The following STK33 variants were observed in gnomAD, a reference collection of about 807,000 sequenced individuals.
STK33 encodes the protein serine/threonine-protein kinase 33.
STK33 carries 52 observed loss-of-function variants against 58.0 expected under a neutral mutation model. The ratio of observed to expected loss-of-function variants is 0.90; its 90% CI spans 0.72 to 1.13. The LOEUF is 1.13. Ranked by LOEUF, STK33 falls within the 50% of genes most tolerant of loss-of-function variation. The pLI, the probability that STK33 is intolerant of heterozygous loss-of-function variation, is 0.00. For synonymous variants in STK33, 215 were observed against 200.1 expected (o/e 1.07, Z -0.63); for missense variants, 630 against 604.2 (o/e 1.04, Z -0.45).
intron 11 of STK33, 116 bp from the exon 12 acceptor site, chr11:8,440,869 AAG>A: frequency 9.9e-7 from 1 of 1,007,228 alleles, no homozygotes; most frequent in African/African-American, 1.6e-5. Context: ...CCATAGGGAA[AAG>A]AGAACCAACA....
downstream of STK33, among the ~76,000 whole-genome samples, chr11:8,389,081 A>C (rs548444360): frequency 5.4e-5 from 8 of 148,508 alleles, no homozygotes; most frequent in African/African-American, 1.9e-4. Flanking sequence ...CAGGTGGTAA[A>C]CTTAAATGCG....
the STK33 span, among the ~76,000 whole-genome samples, chr11:8,357,008 G>A: frequency 1.3e-5 from 2 of 152,176 alleles, no homozygotes; most frequent in Admixed American, 6.5e-5. Flanking sequence ...AGGTGGAGGC[G>A]CTGCCCCGCA....
intron 11 of STK33, among the ~76,000 whole-genome samples, chr11:8,441,762 A>G (rs1333502511): frequency 6.6e-6 from 1 of 152,200 alleles, no homozygotes; most frequent in Non-Finnish European, 1.5e-5. Flanking sequence ...GAAAATAGTT[A>G]TAAGCAGAAA....
At chr11:8,378,652 G>A in the STK33 span, among the ~76,000 whole-genome samples, 1 of 152,154 alleles carries the variant, frequency 6.6e-6, no homozygotes, top group African/African-American at 2.4e-5. Flanking sequence ...CACAACATGT[G>A]GGGATTATGG....
chr11:8,549,214 T>C (rs1956144119), intron 1 of STK33, among the ~76,000 whole-genome samples: 1 of 152,204 alleles, frequency 6.6e-6, no homozygotes, highest in Non-Finnish European at 1.5e-5. Flanking sequence ...ACTTTTTCAG[T>C]ATCTATTGAA....
intron 6 of STK33, among the ~76,000 whole-genome samples, chr11:8,468,292 C>T (rs1342208233): frequency 6.6e-6 from 1 of 152,204 alleles, no homozygotes; most frequent in Non-Finnish European, 1.5e-5. Flanking sequence ...ATTCAATCAT[C>T]TCCCATAGGG....
intron 1 of STK33, among the ~76,000 whole-genome samples, chr11:8,526,132 C>G (rs1023883393): frequency 2.6e-5 from 4 of 152,144 alleles, no homozygotes; most frequent in African/African-American, 9.7e-5. Context: ...GGCATGGTGG[C>G]TCACGCCTGT....
the STK33 span, among the ~76,000 whole-genome samples, chr11:8,357,602 G>A: frequency 6.6e-6 from 1 of 152,180 alleles, no homozygotes; most frequent in Non-Finnish European, 1.5e-5. Flanking sequence ...ACCTGGGCTC[G>A]GAACCGCGGG....
intron 1 of STK33, among the ~76,000 whole-genome samples, chr11:8,541,526 G>C (rs1200207598): frequency 1.3e-5 from 2 of 152,098 alleles, no homozygotes; most frequent in Non-Finnish European, 2.9e-5. Context: ...AAGAAATTCT[G>C]TTTAAGTACA....
chr11:8,378,894 T>C, the STK33 span, among the ~76,000 whole-genome samples: 5 of 152,166 alleles, frequency 3.3e-5, no homozygotes, highest in Non-Finnish European at 7.3e-5. Context: ...CTTCAAATTA[T>C]ACTACAAGGC....
chr11:8,543,537 A>G (rs1253294783), intron 1 of STK33, among the ~76,000 whole-genome samples: 2 of 152,170 alleles, frequency 1.3e-5, no homozygotes, highest in African/African-American at 4.8e-5. Flanking sequence ...TGTGGTATCT[A>G]AAAATCAAAA....
chr11:8,400,619 G>C (rs1937684609), intron 15 of STK33, among the ~76,000 whole-genome samples: 1 of 152,148 alleles, frequency 6.6e-6, no homozygotes, highest in Non-Finnish European at 1.5e-5. Flanking sequence ...GTTCTGGCCA[G>C]GGCAATCAGG....
chr11:8,523,663 G>A lies in STK33; in HGVS notation c.-465-43049C>T, dbSNP rs528262858. 7.0e-3 allele frequency among the ~76,000 whole-genome samples: 1,059 copies of A among 151,280 alleles called. 13 individuals carry two copies. The highest frequency in any genetic ancestry group is 0.023 in the African/African-American group (964 of 41,234). Reference sequence around the variant, plus strand: ...GCAGCTGCCCAGTCCGGGAGGTGGGGGGCAGCCCCCGCCAGGCAGCCGCCA... The same window carrying A: ...GCAGCTGCCCAGTCCGGGAGGTGGGAGGCAGCCCCCGCCAGGCAGCCGCCA... On this transcript the variant is annotated intron_variant, in intron 1 of 15. Coordinates refer to ENST00000687296, the MANE Select transcript of STK33 (RefSeq NM_001352389.2).
At chr11:8,509,114 C>T (rs1952102981) in intron 1 of STK33, among the ~76,000 whole-genome samples, 1 of 92,848 alleles carries the variant, frequency 1.1e-5, no homozygotes, top group African/African-American at 4.4e-5. Context: ...AAAACTCTGT[C>T]TCAAAAAAAA....
chr11:8,474,711 G>A lies in STK33; in HGVS notation c.195C>T (p.Ile65=), dbSNP rs767459231. Residue 65 remains isoleucine (I), a synonymous_variant, in exon 5 of 16, where the codon ATC becomes ATT. Transcript: ENST00000687296. Reference sequence around the variant, plus strand: ...CTTTCCTGGAGGTTATATCTCTGTTGATATTTTTTTCTTTTTTTCTCTCCA... The same window carrying A: ...CTTTCCTGGAGGTTATATCTCTGTTAATATTTTTTTCTTTTTTTCTCTCCA... ...ISLERKKEKN[I]NRDITSRKDL... is the part of the protein sequence containing the mutation. The A allele has an allele frequency of 1.9e-6, 3 of 1,611,284 alleles. No homozygotes were observed. In the African/African-American group the frequency reaches 4.0e-5, roughly 22 times the overall value.
At chr11:8,523,186 G>A (rs1347628529) in intron 1 of STK33, among the ~76,000 whole-genome samples, 7 of 152,302 alleles carry the variant, frequency 4.6e-5, no homozygotes, top group East Asian at 1.9e-4. Flanking sequence ...CCAAAGTGCC[G>A]AGATTGCAGC....
intron 1 of STK33, among the ~76,000 whole-genome samples, chr11:8,522,394 T>C (rs1159790129): frequency 6.6e-6 from 1 of 151,860 alleles, no homozygotes; most frequent in Non-Finnish European, 1.5e-5. Flanking sequence ...AAACACCGCA[T>C]GTTCTCCCTC....
intron 1 of STK33, among the ~76,000 whole-genome samples, chr11:8,488,719 G>A (rs1036357949): frequency 6.6e-6 from 1 of 151,972 alleles, no homozygotes; most frequent in African/African-American, 2.4e-5. Flanking sequence ...ACAACCAGCA[G>A]CAACAAAACA....
At chr11:8,451,592 C>T (rs1161009752) in intron 11 of STK33, among the ~76,000 whole-genome samples, 1 of 151,994 alleles carries the variant, frequency 6.6e-6, no homozygotes, top group Non-Finnish European at 1.5e-5. Flanking sequence ...TAGTGGCTAC[C>T]TGGGACTGGG....
Sources: allele counts gnomAD v4.1 joint callset (sites outside exome capture counted in the v4.1 genomes callset), GRCh38; gene constraint gnomAD v4.1.1; transcripts MANE v1.5; gene names NCBI Gene and HGNC (gene_info 2026-07-23, HGNC 2026-07-21).